SEMA5B: variants seen among roughly 807,000 people sequenced by gnomAD.
SEMA5B encodes the protein semaphorin 5B, also known as semaphorin-5B.
In SEMA5B, 66 loss-of-function variants were observed where a neutral mutation model predicts 135.0. The observed-to-expected ratio is 0.49, with a 90% CI of 0.40 to 0.60. The LOEUF (loss-of-function observed/expected upper bound fraction) is 0.60, where lower values mean the gene tolerates loss of function less well. Among genes scored for constraint, SEMA5B ranks in the 20% least tolerant of loss-of-function variants. SEMA5B has a pLI of 0.00. For synonymous variants in SEMA5B, 690 were observed against 639.5 expected (o/e 1.08, Z -1.19); for missense variants, 1,501 against 1,566.3 (o/e 0.96, Z 0.70).
chr3:122,919,893 A>C (rs1309746237), intron 12 of SEMA5B, among the ~76,000 whole-genome samples: 3 of 152,160 alleles, frequency 2.0e-5, no homozygotes, highest in Admixed American at 1.3e-4. Context: ...GCAAGAGTGC[A>C]ATGGGCACAC....
chr3:122,977,989 A>G, intron 1 of SEMA5B, among the ~76,000 whole-genome samples: 1 of 152,224 alleles, frequency 6.6e-6, no homozygotes, highest in East Asian at 1.9e-4. Context: ...CCAGGGCCAG[A>G]CCACCTCTGC....
intron 4 of SEMA5B, among the ~76,000 whole-genome samples, chr3:122,940,489 T>C (rs577416857): frequency 2.9e-4 from 44 of 152,258 alleles, no homozygotes; most frequent in Non-Finnish European, 5.4e-4. Flanking sequence ...ACCAATTTTC[T>C]TTCTTTGGTT....
At chr3:122,976,591 G>T (rs1485160027) in intron 1 of SEMA5B, among the ~76,000 whole-genome samples, 1 of 152,186 alleles carries the variant, frequency 6.6e-6, no homozygotes, top group Non-Finnish European at 1.5e-5. Context: ...AGACTGCACA[G>T]TGAACACCTG....
intron 1 of SEMA5B, chr3:122,976,034 A>G (rs1315197259): frequency 1.3e-6 from 2 of 1,534,984 alleles, no homozygotes; most frequent in Non-Finnish European, 1.7e-6. Context: ...CCGTCCCTGT[A>G]GAATGCCCTC....
chr3:122,910,545 C>T (rs375995555), intron 22 of SEMA5B, among the ~76,000 whole-genome samples: 58 of 152,160 alleles, frequency 3.8e-4, no homozygotes, highest in Non-Finnish European at 5.4e-4. Context: ...CGCGGTGGCT[C>T]ACGCCTGTAA....
chr3:122,976,125 T>C, intron 1 of SEMA5B: 1 of 1,535,366 alleles, frequency 6.5e-7, no homozygotes, highest in Non-Finnish European at 8.7e-7. Context: ...ATGCAGCATG[T>C]GGTTTATACA....
intron 12 of SEMA5B, among the ~76,000 whole-genome samples, chr3:122,919,721 C>G (rs1486348568): frequency 6.6e-6 from 1 of 152,294 alleles, no homozygotes; most frequent in East Asian, 1.9e-4. Context: ...TTTTTCTAAT[C>G]TTCTGATAAT....
chr3:122,975,053 A>G (rs1941269300), intron 1 of SEMA5B: 1 of 152,242 alleles, frequency 6.6e-6, no homozygotes, highest in African/African-American at 2.4e-5. Context: ...TCAGGCCCAC[A>G]AGGACAGCAG....
chr3:123,019,316 C>A (rs1942626087), intron 1 of SEMA5B, among the ~76,000 whole-genome samples: 1 of 152,120 alleles, frequency 6.6e-6, no homozygotes, highest in Non-Finnish European at 1.5e-5. Flanking sequence ...AATATGTGGG[C>A]CGGGCACAGT....
chr3:122,999,008 G>A (rs994952891), intron 1 of SEMA5B, among the ~76,000 whole-genome samples: 2 of 152,136 alleles, frequency 1.3e-5, no homozygotes, highest in Non-Finnish European at 2.9e-5. Flanking sequence ...GAGATGGCAG[G>A]TGACTCAACC....
At chr3:122,976,165 C>A (rs976685425) in intron 1 of SEMA5B, 2 of 1,531,964 alleles carry the variant, frequency 1.3e-6, no homozygotes, top group Admixed American at 3.9e-5. Context: ...CTGTGTTGGG[C>A]TGTGCAGATG....
At chr3:122,948,999 G>A (rs775231866) in intron 2 of SEMA5B, among the ~76,000 whole-genome samples, 5 of 152,032 alleles carry the variant, frequency 3.3e-5, no homozygotes, top group Non-Finnish European at 7.4e-5. Flanking sequence ...AGTATCTTAG[G>A]GATTTTAATA....
At chr3:122,959,129 A>G (rs1436636199) in intron 2 of SEMA5B, among the ~76,000 whole-genome samples, 1 of 152,242 alleles carries the variant, frequency 6.6e-6, no homozygotes. Context: ...TAATAGTAGG[A>G]TTAAGTAACA....
chr3:122,978,018 C>T (rs1309634830), intron 1 of SEMA5B, among the ~76,000 whole-genome samples: 2 of 152,250 alleles, frequency 1.3e-5, no homozygotes, highest in Non-Finnish European at 2.9e-5. Context: ...GTCCTAGGGG[C>T]TCTGTGAATG....
rs142051801 is a variant in SEMA5B, at chr3:122,997,133, C to T, written c.-39+30331G>A. ...GTGGCACTATGGTTTGTAAACTGCC[C>T]TTTACCCCTTCACAACAGTGCAGTG... On this transcript the variant is annotated intron_variant, in intron 1 of 22. Transcript: ENST00000357599. Among the ~76,000 whole-genome samples the T allele has an allele frequency of 4.7e-3, 715 of 152,342 alleles. 4 individuals are homozygous for T. The highest frequency in any genetic ancestry group is 0.017 in the African/African-American group (691 of 41,568).
chr3:122,964,527 T>G (rs2107618066), intron 1 of SEMA5B, among the ~76,000 whole-genome samples: 1 of 152,350 alleles, frequency 6.6e-6, no homozygotes, highest in East Asian at 1.9e-4. Context: ...CCACTTGCAT[T>G]TTTTGAAATC....
chr3:122,915,745 A>G (rs764404826), intron 13 of SEMA5B, 28 bp downstream of exon 13: 6 of 1,609,878 alleles, frequency 3.7e-6, no homozygotes. Flanking sequence ...GAGGGGTCTG[A>G]GATGGGAGGA....
At chr3:122,979,438 G>C (rs958959973) in intron 1 of SEMA5B, among the ~76,000 whole-genome samples, 1 of 152,208 alleles carries the variant, frequency 6.6e-6, no homozygotes, top group Non-Finnish European at 1.5e-5. Context: ...GGGGTTCCCA[G>C]TTCCACATAA....
intron 1 of SEMA5B, among the ~76,000 whole-genome samples, chr3:123,007,770 A>C (rs919124980): frequency 3.9e-5 from 6 of 152,248 alleles, no homozygotes; most frequent in African/African-American, 1.4e-4. Context: ...CTTAGCCTCC[A>C]TAACAGTGAG....
Sources: gnomAD v4.1 joint callset for allele counts (sites outside exome capture counted in the v4.1 genomes callset) on GRCh38, gnomAD v4.1.1 for gene constraint, MANE v1.5 for transcripts, NCBI Gene and HGNC (gene_info 2026-07-23, HGNC 2026-07-21) for gene names.